The following FGF12 variants were observed in gnomAD, a reference collection of about 807,000 sequenced individuals.
FGF12 encodes the protein fibroblast growth factor 12.
A neutral mutation model predicts 23.6 loss-of-function variants in FGF12; 14 were observed. That is an observed-to-expected ratio of 0.59 (90% CI 0.39 to 0.93). The LOEUF (loss-of-function observed/expected upper bound fraction) is 0.93. FGF12 is among the 40% of genes least tolerant of loss of function. The pLI is 0.00. For synonymous variants in FGF12, 62 were observed against 77.3 expected, an observed-to-expected ratio of 0.80 and a Z score of 1.04; for missense variants, 175 against 217.8, an observed-to-expected ratio of 0.80 and a Z score of 1.24.
chr3:192,469,479 A>C (rs1044763556), intron 2 of FGF12, among the ~76,000 whole-genome samples: 2 of 152,244 alleles, frequency 1.3e-5, no homozygotes, highest in Admixed American at 1.3e-4. Flanking sequence ...TTTTCTCAAA[A>C]GATGAGAAAC....
chr3:192,682,441 G>A (rs1717566828), intron 2 of FGF12, among the ~76,000 whole-genome samples: 1 of 152,094 alleles, frequency 6.6e-6, no homozygotes, highest in South Asian at 2.1e-4. Context: ...AACTAGCTTG[G>A]GAGATTCTCT....
chr3:192,185,300 G>A (rs1378748586), intron 4 of FGF12, among the ~76,000 whole-genome samples: 1 of 152,174 alleles, frequency 6.6e-6, no homozygotes, highest in African/African-American at 2.4e-5. Context: ...ACTGAAATAA[G>A]ATACTTGCAC....
At position 192,378,060 on chromosome 3, in the gene FGF12, T is replaced by TTCTCTCTCTC. The variant is rs1233514767; in HGVS notation, c.14-17523_14-17522insGAGAGAGAGA. On this transcript the variant is annotated intron_variant, in intron 2 of 5. Coordinates refer to ENST00000445105, the MANE Select transcript of FGF12 (RefSeq NM_004113.6). Reference sequence around the variant, plus strand: ...TTTCTTTCTTTCTTTCTTTCTTTCTTTCTTTCTTTCTTTCTTTCTTTCTTT... The same window carrying TTCTCTCTCTC: ...TTTCTTTCTTTCTTTCTTTCTTTCTTTCTCTCTCTCTCTTTCTTTCTTTCTTTCTTTCTTT... Among the ~76,000 whole-genome samples, 209 of 114,376 alleles carry TTCTCTCTCTC rather than the reference T, an allele frequency of 1.8e-3. 13 individuals carry two copies. Among genetic ancestry groups the TTCTCTCTCTC allele is most frequent in the Non-Finnish European group, 2.4e-3 (142 of 59,224 alleles). 75.0% of individuals were successfully genotyped at this position (114,376 alleles called of 152,430 possible). A position where few individuals can be genotyped will look rare whatever the true frequency, so the allele number is the denominator to read the frequency against.
intron 2 of FGF12, among the ~76,000 whole-genome samples, chr3:192,469,799 G>T (rs1021975418): frequency 7.9e-5 from 12 of 152,206 alleles, no homozygotes; most frequent in Admixed American, 7.9e-4. Flanking sequence ...AGTGGGCACT[G>T]TGCAATAAAC....
chr3:192,619,210 G>A (rs1270303076), intron 2 of FGF12, among the ~76,000 whole-genome samples: 1 of 151,956 alleles, frequency 6.6e-6, no homozygotes, highest in East Asian at 1.9e-4. Context: ...AGATGAAAGA[G>A]AAATTTATTC....
intron 2 of FGF12, among the ~76,000 whole-genome samples, chr3:192,527,482 G>A (rs900401874): frequency 1.3e-5 from 2 of 152,070 alleles, no homozygotes; most frequent in Admixed American, 1.3e-4. Context: ...AACAAATAAT[G>A]AAAAATGGAA....
chr3:192,721,880 T>C (rs1719049303), intron 2 of FGF12, among the ~76,000 whole-genome samples: 1 of 152,190 alleles, frequency 6.6e-6, no homozygotes, highest in Non-Finnish European at 1.5e-5. Context: ...GTTAAGTGCC[T>C]CTTTGGAGCT....
At chr3:192,426,362 C>T (rs185567597) in intron 2 of FGF12, among the ~76,000 whole-genome samples, 161 of 152,266 alleles carry the variant, frequency 1.1e-3, no homozygotes, top group African/African-American at 3.8e-3. Flanking sequence ...TGATGAGCCT[C>T]ATAGTATTGT....
At chr3:192,307,293 A>G (rs1441006864) in intron 4 of FGF12, among the ~76,000 whole-genome samples, 1 of 152,216 alleles carries the variant, frequency 6.6e-6, no homozygotes, top group Non-Finnish European at 1.5e-5. Flanking sequence ...CATGTTATCT[A>G]TGATGCCAGA....
chr3:192,204,419 T>C (rs1717535954), intron 4 of FGF12, among the ~76,000 whole-genome samples: 1 of 152,198 alleles, frequency 6.6e-6, no homozygotes, highest in Admixed American at 6.6e-5. Flanking sequence ...GCCATATTTG[T>C]TTAGTGTCTA....
chr3:192,484,131 T>C (rs559648595), intron 2 of FGF12, among the ~76,000 whole-genome samples: 1 of 152,034 alleles, frequency 6.6e-6, no homozygotes, highest in East Asian at 1.9e-4. Flanking sequence ...AATAGCAAAC[T>C]CTATTTTGGT....
intron 2 of FGF12, among the ~76,000 whole-genome samples, chr3:192,397,314 T>C (rs1720567512): frequency 6.6e-6 from 1 of 152,212 alleles, no homozygotes; most frequent in Admixed American, 6.5e-5. Flanking sequence ...AAGGAGGCAA[T>C]GAGGAATCCT....
chr3:192,178,154 TA>T (rs1394452491), intron 4 of FGF12, among the ~76,000 whole-genome samples: 1 of 152,106 alleles, frequency 6.6e-6, no homozygotes, highest in African/African-American at 2.4e-5. Context: ...TCTCTAAATG[TA>T]AAAAAGAAAT....
intron 2 of FGF12, among the ~76,000 whole-genome samples, chr3:192,716,841 T>C (rs2108743711): frequency 6.6e-6 from 1 of 152,362 alleles, no homozygotes; most frequent in Non-Finnish European, 1.5e-5. Context: ...AAAAAGTTGT[T>C]AGTTGTGTGT....
At chr3:192,194,566 T>C (rs1244394095) in intron 4 of FGF12, among the ~76,000 whole-genome samples, 3 of 152,216 alleles carry the variant, frequency 2.0e-5, no homozygotes, top group Non-Finnish European at 4.4e-5. Flanking sequence ...TATTTAGATG[T>C]TTGACAACCT....
intron 2 of FGF12, among the ~76,000 whole-genome samples, chr3:192,718,220 A>G (rs1399884592): frequency 6.8e-6 from 1 of 147,188 alleles, no homozygotes; most frequent in African/African-American, 2.6e-5. Context: ...GGCAGAGAGA[A>G]GAAAACCATA....
At chr3:192,359,638 G>C (rs1718629197) in intron 3 of FGF12, among the ~76,000 whole-genome samples, 1 of 152,122 alleles carries the variant, frequency 6.6e-6, no homozygotes, top group African/African-American at 2.4e-5. Flanking sequence ...TGCCTCTGGA[G>C]CTTGTATTTG....
At chr3:192,329,442 T>C (rs1053248877) in intron 4 of FGF12, among the ~76,000 whole-genome samples, 1 of 152,204 alleles carries the variant, frequency 6.6e-6, no homozygotes, top group Non-Finnish European at 1.5e-5. Context: ...ATATCACTAG[T>C]GTTCTAACCA....
chr3:192,648,656 A>T, intron 2 of FGF12, among the ~76,000 whole-genome samples: 1 of 152,166 alleles, frequency 6.6e-6, no homozygotes, highest in East Asian at 1.9e-4. Context: ...TTCAATAGAG[A>T]TTATTTTATT....
Sources: gnomAD v4.1 joint callset for allele counts (sites outside exome capture counted in the v4.1 genomes callset) on GRCh38, gnomAD v4.1.1 for gene constraint, MANE v1.5 for transcripts, NCBI Gene and HGNC (gene_info 2026-07-23, HGNC 2026-07-21) for gene names.